Variants in CA8 observed in about 807,000 individuals in gnomAD.
The protein encoded by CA8 is carbonic anhydrase-related protein.
Under a neutral mutation model 41.4 loss-of-function variants are expected in CA8, and 22 were observed. The observed-to-expected ratio is 0.53, with a 90% CI of 0.38 to 0.76. The LOEUF (loss-of-function observed/expected upper bound fraction) is 0.76, where lower values mean the gene tolerates loss of function less well. Among genes scored for constraint, CA8 ranks in the 30% least tolerant of loss-of-function variants. The pLI, the probability that CA8 is intolerant of heterozygous loss-of-function variation, is 0.00. For synonymous variants in CA8, 121 were observed against 130.6 expected (o/e 0.93, Z 0.50); for missense variants, 270 against 352.8 (o/e 0.77, Z 1.88).
chr8:60,249,351 G>A (rs1056822641), intron 3 of CA8, among the ~76,000 whole-genome samples: 6 of 152,140 alleles, frequency 3.9e-5, no homozygotes, highest in Non-Finnish European at 7.4e-5. Flanking sequence ...TATAATGTGA[G>A]AGGAAATATT....
chr8:60,221,342 A>G (rs1382014889), intron 7 of CA8, among the ~76,000 whole-genome samples: 1 of 152,210 alleles, frequency 6.6e-6, no homozygotes, highest in Non-Finnish European at 1.5e-5. Context: ...AATTTTTGAG[A>G]GTAAAGACTG....
At chr8:60,247,771 A>G (rs1487504092) in intron 3 of CA8, among the ~76,000 whole-genome samples, 2 of 152,232 alleles carry the variant, frequency 1.3e-5, no homozygotes, top group Admixed American at 1.3e-4. Context: ...GTATATACCC[A>G]GTAATGGGAT....
At chr8:60,249,763 A>T (rs1436297904) in intron 3 of CA8, among the ~76,000 whole-genome samples, 4 of 152,226 alleles carry the variant, frequency 2.6e-5, no homozygotes, top group African/African-American at 9.6e-5. Flanking sequence ...AAAATGTATT[A>T]TCAGCTAAAG....
intron 8 of CA8, among the ~76,000 whole-genome samples, chr8:60,194,186 C>G (rs1039518262): frequency 2.0e-5 from 3 of 152,074 alleles, no homozygotes; most frequent in Non-Finnish European, 4.4e-5. Flanking sequence ...CAGTTTTTCT[C>G]TTCTTACAAA....
intron 3 of CA8, among the ~76,000 whole-genome samples, chr8:60,256,048 A>AC (rs11399469): frequency 0.5 from 76,322 of 151,166 alleles, 21,236 homozygotes; most frequent in African/African-American, 0.76. Context: ...AGCTGGGATT[A>AC]AGGCACGTGC....
chr8:60,239,015 C>T (rs8180936), intron 3 of CA8, among the ~76,000 whole-genome samples: 109,072 of 152,066 alleles, frequency 0.72, 39,691 homozygotes, highest in African/African-American at 0.84. Flanking sequence ...AACCAACAGA[C>T]AGGAAGAAAA....
intron 3 of CA8, among the ~76,000 whole-genome samples, chr8:60,248,941 A>G (rs964596218): frequency 3.3e-5 from 5 of 152,126 alleles, no homozygotes; most frequent in African/African-American, 9.7e-5. Context: ...TTTCTTGAGC[A>G]GTGGTTTGTA....
chr8:60,198,072 TA>T (rs912193922), intron 8 of CA8, among the ~76,000 whole-genome samples: 2 of 152,268 alleles, frequency 1.3e-5, no homozygotes, highest in East Asian at 1.9e-4. Context: ...AGGCAAAAGA[TA>T]AACACAGTGC....
chr8:60,256,135 C>T lies in CA8; in HGVS notation c.417+9790G>A, dbSNP rs562037146. 2.6e-5 allele frequency among the ~76,000 whole-genome samples: 4 copies of T among 152,214 alleles called. No individual in the cohort carries two copies. The East Asian group carries it at 7.7e-4, about 29-fold the overall frequency. On this transcript the variant is annotated intron_variant, in intron 3 of 8. Coordinates refer to ENST00000317995, the MANE Select transcript of CA8 (RefSeq NM_004056.6). ...ATGTTGGTCAGGCTGGTTTTGAACTCCTGACCTCAGGTGATCCGCCCACCT... is the reference window on the plus strand; with the variant it reads ...ATGTTGGTCAGGCTGGTTTTGAACTTCTGACCTCAGGTGATCCGCCCACCT...
chr8:60,215,905 C>T (rs932218478), intron 7 of CA8, among the ~76,000 whole-genome samples: 1 of 152,220 alleles, frequency 6.6e-6, no homozygotes, highest in Non-Finnish European at 1.5e-5. Context: ...TATCCTATGG[C>T]AGGTGATGCA....
intron 4 of CA8, among the ~76,000 whole-genome samples, chr8:60,228,540 G>C (rs1438545364): frequency 1.3e-5 from 2 of 152,172 alleles, no homozygotes; most frequent in Non-Finnish European, 2.9e-5. Flanking sequence ...GGCTCACTTT[G>C]CACTGGACTG....
intron 3 of CA8, among the ~76,000 whole-genome samples, chr8:60,260,882 T>A (rs1803712015): frequency 6.6e-6 from 1 of 152,184 alleles, no homozygotes; most frequent in Non-Finnish European, 1.5e-5. Context: ...TTCCTGAAAG[T>A]TAAATAACTT....
At chr8:60,209,703 C>T (rs1249217724) in intron 7 of CA8, among the ~76,000 whole-genome samples, 2 of 151,554 alleles carry the variant, frequency 1.3e-5, no homozygotes, top group Non-Finnish European at 2.9e-5. Context: ...TTTTCTAGCC[C>T]TCTGGAGAGC....
intron 3 of CA8, among the ~76,000 whole-genome samples, chr8:60,252,499 A>T (rs7009243): frequency 0.46 from 70,329 of 152,132 alleles, 18,674 homozygotes; most frequent in African/African-American, 0.75. Context: ...ATCCTTAGTT[A>T]AATTCACTCT....
intron 6 of CA8, among the ~76,000 whole-genome samples, chr8:60,224,191 C>G (rs1440559817): frequency 2.0e-5 from 3 of 152,184 alleles, no homozygotes; most frequent in Non-Finnish European, 4.4e-5. Context: ...AAGCGATTCT[C>G]CTGCTTCAGC....
Position 60,219,943 on chromosome 8 carries a change from A to AC in CA8, c.738+2705_738+2706insG, listed in dbSNP as rs1554520120. On this transcript the variant is annotated intron_variant, in intron 7 of 8. Coordinates refer to ENST00000317995, the MANE Select transcript of CA8 (RefSeq NM_004056.6). ...AAATCTTAACTTAAAAAAAAAAAAA[A>AC]AAAAAAAAAACACTTGACTATTCTC... Among the ~76,000 whole-genome samples, 134 of 141,452 alleles carry AC rather than the reference A, an allele frequency of 9.5e-4. 2 individuals are homozygous for AC. Among genetic ancestry groups the AC allele is most frequent in the South Asian group, 3.9e-3 (17 of 4,388 alleles). 92.8% of individuals were successfully genotyped at this position (141,452 alleles called of 152,430 possible). A position where few individuals can be genotyped will look rare whatever the true frequency, so the allele number is the denominator to read the frequency against.
chr8:60,262,829 T>C (rs1239406536), intron 3 of CA8, among the ~76,000 whole-genome samples: 2 of 152,246 alleles, frequency 1.3e-5, no homozygotes, highest in Non-Finnish European at 2.9e-5. Context: ...TGTGGAAAGA[T>C]GTGTGTTTCT....
intron 3 of CA8, among the ~76,000 whole-genome samples, chr8:60,242,175 A>G (rs928837217): frequency 6.6e-6 from 1 of 152,250 alleles, no homozygotes; most frequent in Non-Finnish European, 1.5e-5. Context: ...GGATTAGTGC[A>G]CAATCGAAAT....
At chr8:60,268,451 G>T (rs907863242) in intron 2 of CA8, among the ~76,000 whole-genome samples, 3 of 152,122 alleles carry the variant, frequency 2.0e-5, no homozygotes, top group Non-Finnish European at 4.4e-5. Flanking sequence ...TGATTTCAGG[G>T]AACCATAAAG....
Sources: gnomAD v4.1 joint callset for allele counts (sites outside exome capture counted in the v4.1 genomes callset) on GRCh38, gnomAD v4.1.1 for gene constraint, MANE v1.5 for transcripts, NCBI Gene and HGNC (gene_info 2026-07-23, HGNC 2026-07-21) for gene names.